Variants in AUTS2 observed in about 807,000 individuals in gnomAD.
The protein encoded by AUTS2 is autism susceptibility gene 2 protein.
Under a neutral mutation model 112.4 loss-of-function variants are expected in AUTS2, and 17 were observed. That is an observed-to-expected ratio of 0.15 (90% CI 0.10 to 0.23). The LOEUF (loss-of-function observed/expected upper bound fraction) is 0.23, where lower values mean the gene tolerates loss of function less well. Ranked by LOEUF, AUTS2 falls within the 10% of genes least tolerant of loss-of-function variation. The pLI is 1.00. For missense variants in AUTS2, 1,510 were observed against 1,701.6 expected (o/e 0.89, Z 1.98); for synonymous variants, 751 against 702.7 (o/e 1.07, Z -1.09).
chr7:70,391,557 G>A (rs766775077), intron 4 of AUTS2, among the ~76,000 whole-genome samples: 4 of 152,072 alleles, frequency 2.6e-5, no homozygotes, highest in Non-Finnish European at 4.4e-5. Flanking sequence ...CAATCACGGA[G>A]TATCTGTTGA....
chr7:69,995,630 C>T (rs1249367186), intron 2 of AUTS2, among the ~76,000 whole-genome samples: 1 of 152,288 alleles, frequency 6.6e-6, no homozygotes, highest in African/African-American at 2.4e-5. Flanking sequence ...TCTCCAGGGA[C>T]AAGGCCTAGG....
chr7:69,762,864 T>C (rs1788253075), intron 1 of AUTS2, among the ~76,000 whole-genome samples: 3 of 152,214 alleles, frequency 2.0e-5, no homozygotes, highest in African/African-American at 7.2e-5. Flanking sequence ...GCTGGTTGAT[T>C]ACAGGTGAGG....
rs1792296781 is a variant in AUTS2, at chr7:69,600,061, T to C, written c.309+99T>C. On this transcript the variant is annotated intron_variant, in intron 1 of 18. Transcript: ENST00000342771. ...CCCTCGCCGCGCTCCGGGCTGTCTG[T>C]CTGTCTGTCTGTCTGTCTGTCTGTC... 1.4e-5 allele frequency: 16 copies of C among 1,122,240 alleles called. No individual in the cohort carries two copies. The South Asian group carries it at 2.3e-4, about 16-fold the overall frequency. The allele number at this position is 1,122,240 out of a possible 1,614,324, so 69.5% of individuals were successfully genotyped here. A position where few individuals can be genotyped will look rare whatever the true frequency, so the allele number is the denominator to read the frequency against.
chr7:70,476,611 G>T (rs1322522066), intron 5 of AUTS2, among the ~76,000 whole-genome samples: 1 of 152,198 alleles, frequency 6.6e-6, no homozygotes, highest in African/African-American at 2.4e-5. Context: ...AGTGTACTCA[G>T]ACTATAGCAT....
At chr7:70,157,575 C>T (rs1294429367) in intron 4 of AUTS2, among the ~76,000 whole-genome samples, 1 of 152,150 alleles carries the variant, frequency 6.6e-6, no homozygotes, top group East Asian at 1.9e-4. Flanking sequence ...CCACCTTGGC[C>T]TCCCAAAGTG....
intron 2 of AUTS2, among the ~76,000 whole-genome samples, chr7:69,993,341 G>T (rs559759086): frequency 6.6e-6 from 1 of 152,132 alleles, no homozygotes; most frequent in Non-Finnish European, 1.5e-5. Flanking sequence ...CAGCATTCCC[G>T]AAACTGCTGG....
intron 4 of AUTS2, among the ~76,000 whole-genome samples, chr7:70,390,456 G>A (rs1211363130): frequency 6.6e-6 from 1 of 152,128 alleles, no homozygotes; most frequent in Admixed American, 6.6e-5. Context: ...ACCAATGATG[G>A]ATCTGTGGCC....
rs1270556261 is a variant in AUTS2, at chr7:70,678,805, C to T, written c.691-19764C>T. ...AGCTCAGAGCAACTTCCAAGGGGCC[C>T]CTAGCTGAGCTTAGTCATCACCAGT... is the stretch of plus-strand genomic sequence containing the variant. On this transcript the variant is annotated intron_variant, in intron 5 of 18. Coordinates refer to ENST00000342771, the MANE Select transcript of AUTS2 (RefSeq NM_015570.4). Among the ~76,000 whole-genome samples the T allele has an allele frequency of 3.3e-5, 5 of 152,128 alleles. No individual in the cohort carries two copies. The East Asian group carries it at 9.7e-4, about 29-fold the overall frequency.
chr7:69,711,030 C>G (rs1247843983), intron 1 of AUTS2, among the ~76,000 whole-genome samples: 1 of 152,122 alleles, frequency 6.6e-6, no homozygotes, highest in Non-Finnish European at 1.5e-5. Flanking sequence ...GGAATGTTTC[C>G]TTTTTGTGCC....
chr7:70,093,249 C>T (rs889543235), intron 2 of AUTS2, among the ~76,000 whole-genome samples: 4 of 152,186 alleles, frequency 2.6e-5, no homozygotes, highest in South Asian at 4.1e-4. Flanking sequence ...TTTCCAGACT[C>T]GGCAGCTGAC....
intron 4 of AUTS2, among the ~76,000 whole-genome samples, chr7:70,340,668 C>T (rs1791223171): frequency 6.6e-6 from 1 of 152,222 alleles, no homozygotes. Flanking sequence ...TACAAAGGTA[C>T]TTGAACATGT....
intron 4 of AUTS2, among the ~76,000 whole-genome samples, chr7:70,141,302 G>T (rs1002208424): frequency 6.6e-6 from 1 of 152,174 alleles, no homozygotes; most frequent in African/African-American, 2.4e-5. Context: ...GAGTGGGGAA[G>T]AGATGGTTTG....
At position 70,785,984 on chromosome 7, in the gene AUTS2, G is replaced by T; in HGVS notation, c.2254G>T (p.Gly752Cys). 1.2e-6 allele frequency: 2 copies of T among 1,614,108 alleles called. No homozygotes were observed. The highest frequency in any genetic ancestry group is 1.7e-6 in the Non-Finnish European group (2 of 1,180,008). The change falls in exon 17 of 19, where the codon GGC becomes TGC. Residue 752 changes from glycine (G) to cysteine (C), a missense_variant. Physicochemically the swap from Gly to Cys is radical, Grantham distance 159 (BLOSUM62 -3). This residue lies in a region of AUTS2 where 788 missense variants were observed against 797.6 expected (regional missense o/e 0.99). Coordinates refer to ENST00000342771, the MANE Select transcript of AUTS2 (RefSeq NM_015570.4). Reference protein sequence around the residue: ...EPFNRPSTFTGLAAVGGNAFG... With the variant: ...EPFNRPSTFTCLAAVGGNAFG... Reference sequence around the variant, plus strand: ...TTTTAATCGGCCGTCTACATTCACAGGCCTAGCAGCAGTTGGTGGCAATGC... The same window carrying T: ...TTTTAATCGGCCGTCTACATTCACATGCCTAGCAGCAGTTGGTGGCAATGC...
At chr7:70,291,266 G>T (rs1039924332) in intron 4 of AUTS2, 1 of 152,068 alleles carries the variant, frequency 6.6e-6, no homozygotes, top group Non-Finnish European at 1.5e-5. Flanking sequence ...ATTATATAAA[G>T]AAATAAAAAT....
intron 5 of AUTS2, among the ~76,000 whole-genome samples, chr7:70,645,958 C>T (rs1324684191): frequency 1.3e-5 from 2 of 151,966 alleles, no homozygotes; most frequent in African/African-American, 2.4e-5. Flanking sequence ...TTTCTTTGGC[C>T]GTTAACAGAG....
chr7:70,424,107 C>T (rs1215373736), intron 4 of AUTS2, among the ~76,000 whole-genome samples: 1 of 152,160 alleles, frequency 6.6e-6, no homozygotes, highest in Non-Finnish European at 1.5e-5. Context: ...GAAAGGTAGA[C>T]TCCAAGAATT....
At chr7:69,722,216 G>A (rs1470248448) in intron 1 of AUTS2, among the ~76,000 whole-genome samples, 2 of 151,982 alleles carry the variant, frequency 1.3e-5, no homozygotes, top group Admixed American at 1.3e-4. Flanking sequence ...TGTATAGGTG[G>A]TGGCTATTAG....
At chr7:70,038,042 G>A (rs1801086163) in intron 2 of AUTS2, among the ~76,000 whole-genome samples, 1 of 145,820 alleles carries the variant, frequency 6.9e-6, no homozygotes, top group African/African-American at 2.6e-5. Flanking sequence ...AGGAAAGCAG[G>A]AATGAGGCAG....
In AUTS2 at chr7:70,781,752, C is replaced by T. The variant is rs368064004; in HGVS notation, c.2142C>T (p.Ala714=). The T allele has an allele frequency of 2.4e-5, 38 of 1,613,748 alleles. No individual in the cohort carries two copies. Among genetic ancestry groups the T allele is most frequent in the Middle Eastern group, 1.6e-4 (1 of 6,084 alleles). Residue 714 remains alanine, a synonymous_variant, in exon 15 of 19, where the codon GCC becomes GCT. Coordinates refer to ENST00000342771, the MANE Select transcript of AUTS2 (RefSeq NM_015570.4). The part of the protein sequence containing the change: ...DLARPSTLFS[A]AGAAHPTGTP... ...CACGGCCTTCAACTTTGTTCTCTGC[C>T]GCTGGTGAGTGTGGGTTTGGGTGGG...
Sources: gnomAD v4.1 joint callset for allele counts (sites outside exome capture counted in the v4.1 genomes callset) on GRCh38, gnomAD v4.1.1 for gene constraint, gnomAD v4.1.1 regional missense constraint, MANE v1.5 for transcripts, NCBI Gene and HGNC (gene_info 2026-07-23, HGNC 2026-07-21) for gene names.